TARBP1: variants seen among roughly 807,000 people sequenced by gnomAD.
TARBP1 encodes the protein tRNA guanosine 2 -O-methyltransferase TARBP1.
TARBP1 carries 144 observed loss-of-function variants against 178.6 expected under a neutral mutation model. The observed-to-expected ratio is 0.81, with a 90% CI of 0.70 to 0.93. TARBP1 has a LOEUF of 0.93. TARBP1 is among the 40% of genes least tolerant of loss of function. The pLI, the probability that TARBP1 is intolerant of heterozygous loss-of-function variation, is 0.00. For missense variants in TARBP1, 2,067 were observed against 2,011.7 expected (o/e 1.03, Z -0.53); for synonymous variants, 787 against 781.0 (o/e 1.01, Z -0.13).
intron 24 of TARBP1, among the ~76,000 whole-genome samples, chr1:234,404,849 C>T (rs1439389987): frequency 6.6e-6 from 1 of 152,118 alleles, no homozygotes; most frequent in African/African-American, 2.4e-5. Context: ...TTGTATTTAT[C>T]AAATATCTTT....
In TARBP1 at chr1:234,430,067, A is replaced by C. The variant is rs183335034; in HGVS notation, c.2609+20T>G. 3.1e-6 allele frequency: 5 copies of C among 1,591,472 alleles called. No individual in the cohort carries two copies. In the East Asian group the frequency reaches 1.1e-4, roughly 36 times the overall value. ...TGACAACAACAGAAATGGATTTTTA[A>C]GCCTTAACCTTCCCTGTACCTGCTG... On this transcript the variant is annotated intron_variant, in intron 15 of 29. Coordinates refer to ENST00000040877, the MANE Select transcript of TARBP1 (RefSeq NM_005646.4).
At chr1:234,404,590 G>A (rs1211490360) in intron 24 of TARBP1, among the ~76,000 whole-genome samples, 1 of 152,134 alleles carries the variant, frequency 6.6e-6, no homozygotes, top group East Asian at 1.9e-4. Context: ...GAGGACAGTT[G>A]GAATTGTAGG....
At chr1:234,451,617 C>T (rs1338290184) in intron 9 of TARBP1, among the ~76,000 whole-genome samples, 1 of 77,828 alleles carries the variant, frequency 1.3e-5, no homozygotes, top group Non-Finnish European at 2.2e-5. Flanking sequence ...GGCGTAGTGG[C>T]GGGCGCCTGT....
In TARBP1 at chr1:234,451,766, A is replaced by AAAAAAAACAAAAAAACAAAAAAAC. The variant is rs57636903; in HGVS notation, c.1723-1201_1723-1200insGTTTTTTTGTTTTTTTGTTTTTTT. ...TCCGTCTCAAAAAAAAAAAAAAAAA[A>AAAAAAAACAAAAAAACAAAAAAAC]TGATGAATGACTGGATCATCGAAGT... On this transcript the variant is annotated intron_variant, in intron 9 of 29. Transcript: ENST00000040877. Among the ~76,000 whole-genome samples, 2 of 17,176 alleles carry AAAAAAAACAAAAAAACAAAAAAAC rather than the reference A, an allele frequency of 1.2e-4. 1 individual carries two copies. The highest frequency in any genetic ancestry group is 8.2e-4 in the African/African-American group (2 of 2,440). 11.3% of individuals were successfully genotyped at this position (17,176 alleles called of 152,430 possible).
chr1:234,437,559 T>A (rs774272060), intron 12 of TARBP1, among the ~76,000 whole-genome samples, 187 bp from the exon 13 acceptor site: 1 of 152,136 alleles, frequency 6.6e-6, no homozygotes, highest in Non-Finnish European at 1.5e-5. Flanking sequence ...ACTTAGGAGT[T>A]CCAGTTGTGG....
chr1:234,469,768 G>A (rs1005153021), intron 3 of TARBP1, among the ~76,000 whole-genome samples: 1 of 152,206 alleles, frequency 6.6e-6, no homozygotes, highest in Non-Finnish European at 1.5e-5. Context: ...CATTTAGGAA[G>A]CTCCAGCTTC....
chr1:234,467,743 A>C, intron 3 of TARBP1, 93 bp from the exon 4 acceptor site: 1 of 1,231,412 alleles, frequency 8.1e-7, no homozygotes, highest in East Asian at 2.9e-5. Flanking sequence ...AACACACACA[A>C]TAACTTCATT....
chr1:234,409,516 G>A (rs1445413262), intron 23 of TARBP1, among the ~76,000 whole-genome samples: 5 of 152,154 alleles, frequency 3.3e-5, no homozygotes, highest in South Asian at 2.1e-4. Context: ...TTGATCTTAC[G>A]GAAGATGTGA....
chr1:234,419,374 TCTATCATTCACCA>T (rs1662829726), intron 21 of TARBP1, among the ~76,000 whole-genome samples: 1 of 152,052 alleles, frequency 6.6e-6, no homozygotes, highest in Non-Finnish European at 1.5e-5. Context: ...GAATTCCACC[TCTATCATTCACCA>T]CTAGCTGTGT....
At chr1:234,450,680 A>T in intron 9 of TARBP1, 114 bp from the exon 10 acceptor site, 1 of 1,181,074 alleles carries the variant, frequency 8.5e-7, no homozygotes, top group Non-Finnish European at 1.2e-6. Flanking sequence ...AAATAATCGA[A>T]TACAAAGTAA....
intron 9 of TARBP1, among the ~76,000 whole-genome samples, chr1:234,453,161 C>T (rs922007933): frequency 3.9e-5 from 6 of 152,056 alleles, no homozygotes; most frequent in African/African-American, 1.5e-4. Flanking sequence ...AAGAGTGAAC[C>T]CTAATGTCAA....
chr1:234,433,484 T>G lies in TARBP1; in HGVS notation c.2320A>C (p.Asn774His). 6.2e-7 allele frequency: 1 copy of G among 1,614,158 alleles called. No individual in the cohort carries two copies. The highest frequency in any genetic ancestry group is 8.5e-7 in the Non-Finnish European group (1 of 1,180,020). The change falls in exon 14 of 30, where the codon AAC (asparagine) becomes CAC (histidine). Residue 774 changes from asparagine to histidine, a missense_variant. Coordinates refer to ENST00000040877, the MANE Select transcript of TARBP1 (RefSeq NM_005646.4). ...AGAGAAATAACTCTCCAGATAGGGT[T>G]ACCCCTTTTCCACCCAACCTTCAAA... ...LHLKVGWKRG[N>H]PIWRVISLLK...
At chr1:234,424,034 T>G (rs982179960) in intron 20 of TARBP1, among the ~76,000 whole-genome samples, 1 of 152,270 alleles carries the variant, frequency 6.6e-6, no homozygotes, top group Non-Finnish European at 1.5e-5. Context: ...GACATCTTCC[T>G]TGACTCCAAC....
In TARBP1 at chr1:234,446,872, C is replaced by CA. The variant is rs1666235238; in HGVS notation, c.2064dup (p.Asp689Ter). On this transcript the variant is annotated frameshift_variant, in exon 12 of 30. Transcript: ENST00000040877. LOFTEE classifies it high-confidence loss of function. ...TTCAACAGCAGCTGGAGGCATCTGT[C>CA]AGTCTTCAGCAAGGGCATGTAGGCA... The CA allele has an allele frequency of 1.9e-6, 3 of 1,614,010 alleles. No individual in the cohort carries two copies. The highest frequency in any genetic ancestry group is 2.5e-6 in the Non-Finnish European group (3 of 1,179,980).
intron 22 of TARBP1, among the ~76,000 whole-genome samples, chr1:234,411,652 C>T (rs1157399896): frequency 1.3e-5 from 2 of 152,026 alleles, no homozygotes; most frequent in East Asian, 1.9e-4. Context: ...AAAGCTATAG[C>T]GAAAAACCTA....
At chr1:234,425,549 A>T (rs1360962427) in intron 20 of TARBP1, 124 bp downstream of exon 20, 1 of 1,063,766 alleles carries the variant, frequency 9.4e-7, no homozygotes, top group African/African-American at 1.6e-5. Context: ...AAAAATACAG[A>T]ACATAAACTT....
intron 1 of TARBP1, among the ~76,000 whole-genome samples, chr1:234,477,906 C>T (rs6669683): frequency 0.013 from 2,028 of 152,290 alleles, 38 homozygotes; most frequent in African/African-American, 0.046. Flanking sequence ...TGCACGGGCT[C>T]CATTATCTTC....
At position 234,465,709 on chromosome 1, in the gene TARBP1, CTA is replaced by C. The variant is rs1491416879; in HGVS notation, c.1249-3_1249-2del. The C allele has an allele frequency of 8.9e-7, 1 of 1,123,494 alleles. No homozygotes were observed. Among genetic ancestry groups the C allele is most frequent in the South Asian group, 2.2e-5 (1 of 46,044 alleles). The allele number at this position is 1,123,494 out of a possible 1,614,324, so 69.6% of individuals were successfully genotyped here. On this transcript the variant is annotated splice_acceptor_variant and splice_polypyrimidine_tract_variant and intron_variant, in intron 4 of 29. Coordinates refer to ENST00000040877, the MANE Select transcript of TARBP1 (RefSeq NM_005646.4). LOFTEE classifies it high-confidence loss of function. Reference sequence around the variant, plus strand: ...CATCCATTAATGGTCCAATAATAAACTAAAAAAAAAAAAAAAAAAAGACACGT... The same window carrying C: ...CATCCATTAATGGTCCAATAATAAACAAAAAAAAAAAAAAAAAAGACACGT...
intron 26 of TARBP1, among the ~76,000 whole-genome samples, chr1:234,395,074 A>G (rs6680900): frequency 0.1 from 14,992 of 150,616 alleles, 865 homozygotes; most frequent in African/African-American, 0.14. Flanking sequence ...AAATACAAAC[A>G]TTAGCCAGGC....
Sources: allele counts gnomAD v4.1 joint callset (sites outside exome capture counted in the v4.1 genomes callset), GRCh38; gene constraint gnomAD v4.1.1; transcripts MANE v1.5; gene names NCBI Gene and HGNC (gene_info 2026-07-23, HGNC 2026-07-21).